Variants in SUPT3H observed in about 807,000 individuals in gnomAD.
SUPT3H encodes SPT3 homolog, SAGA and STAGA complex component, also known as transcription initiation protein SPT3 homolog.
SUPT3H carries 44 observed loss-of-function variants against 44.3 expected under a neutral mutation model. The ratio of observed to expected loss-of-function variants is 0.99; its 90% CI spans 0.78 to 1.28. SUPT3H has a LOEUF of 1.28. Among genes scored for constraint, SUPT3H ranks in the 50% most tolerant of loss-of-function variants. The pLI is 0.00. For missense variants in SUPT3H, 380 were observed against 387.1 expected (o/e 0.98, Z 0.15); for synonymous variants, 124 against 125.6 (o/e 0.99, Z 0.09).
At chr6:45,126,382 T>G (rs1802430470) in intron 2 of SUPT3H, among the ~76,000 whole-genome samples, 1 of 152,202 alleles carries the variant, frequency 6.6e-6, no homozygotes, top group Admixed American at 6.5e-5. Flanking sequence ...TTCTTTGGAC[T>G]CCTTTAGAAC....
At chr6:44,910,682 AT>A (rs1766870804) in intron 10 of SUPT3H, among the ~76,000 whole-genome samples, 1 of 108,664 alleles carries the variant, frequency 9.2e-6, no homozygotes, top group African/African-American at 3.2e-5. Context: ...TAGAAAATGT[AT>A]TTTCTTTCAA....
chr6:45,129,304 A>G (rs930353989), intron 2 of SUPT3H, among the ~76,000 whole-genome samples: 1 of 152,224 alleles, frequency 6.6e-6, no homozygotes, highest in Admixed American at 6.5e-5. Context: ...TGTATGTTCT[A>G]CACAGGATCT....
At chr6:44,958,849 G>T (rs1023263464) in intron 7 of SUPT3H, among the ~76,000 whole-genome samples, 6 of 144,542 alleles carry the variant, frequency 4.2e-5, no homozygotes, top group African/African-American at 1.5e-4. Context: ...GGCCAAGAAG[G>T]AAAGTTTAAG....
intron 3 of SUPT3H, among the ~76,000 whole-genome samples, chr6:45,038,518 T>C (rs1179790041): frequency 6.6e-6 from 1 of 152,150 alleles, no homozygotes; most frequent in Non-Finnish European, 1.5e-5. Flanking sequence ...TTCCACTTCA[T>C]CGTACCTAGA....
chr6:45,070,951 TGTAA>T (rs1794298398), intron 3 of SUPT3H, among the ~76,000 whole-genome samples: 1 of 152,118 alleles, frequency 6.6e-6, no homozygotes, highest in African/African-American at 2.4e-5. Flanking sequence ...CCCTATTCTT[TGTAA>T]GTCTTTTCTT....
chr6:45,254,241 G>A (rs1360499117), intron 2 of SUPT3H, among the ~76,000 whole-genome samples: 3 of 152,044 alleles, frequency 2.0e-5, no homozygotes, highest in East Asian at 1.9e-4. Context: ...GGGAGACTTC[G>A]ACCATGAAAC....
chr6:45,020,686 TAC>T, intron 3 of SUPT3H, 54 bp from the exon 4 acceptor site: 1 of 1,294,954 alleles, frequency 7.7e-7, no homozygotes, highest in Non-Finnish European at 1.1e-6. Flanking sequence ...TTATATATAG[TAC>T]AGTCATGATG....
At chr6:45,084,497 C>T (rs892042654) in intron 3 of SUPT3H, among the ~76,000 whole-genome samples, 14 of 152,154 alleles carry the variant, frequency 9.2e-5, no homozygotes, top group African/African-American at 3.1e-4. Flanking sequence ...GAAAAAGAAA[C>T]TTTCATACAC....
chr6:45,211,019 C>A (rs545296446), intron 2 of SUPT3H, among the ~76,000 whole-genome samples: 2 of 152,280 alleles, frequency 1.3e-5, no homozygotes, highest in East Asian at 3.9e-4. Context: ...CAGTGACTTT[C>A]ACTTTAACTG....
intron 2 of SUPT3H, among the ~76,000 whole-genome samples, chr6:45,139,223 T>C: frequency 6.6e-6 from 1 of 152,216 alleles, no homozygotes; most frequent in East Asian, 1.9e-4. Flanking sequence ...AAAAATATAA[T>C]TGGCAATAAA....
intron 2 of SUPT3H, among the ~76,000 whole-genome samples, chr6:45,128,073 C>T (rs995799427): frequency 1.3e-5 from 2 of 152,106 alleles, no homozygotes; most frequent in African/African-American, 4.8e-5. Context: ...CTGACGCTTA[C>T]TTTGTCTGAT....
At chr6:45,229,251 C>T (rs1007211137) in intron 2 of SUPT3H, among the ~76,000 whole-genome samples, 9 of 151,726 alleles carry the variant, frequency 5.9e-5, no homozygotes, top group African/African-American at 2.2e-4. Flanking sequence ...ACCAAAATAG[C>T]CATTATTTAA....
intron 1 of SUPT3H, among the ~76,000 whole-genome samples, chr6:45,374,244 C>T: frequency 6.6e-6 from 1 of 152,180 alleles, no homozygotes; most frequent in Middle Eastern, 3.2e-3. Context: ...TGTTCACCAA[C>T]CCACATAACA....
chr6:45,139,340 A>T (rs988300241), intron 2 of SUPT3H, among the ~76,000 whole-genome samples: 1 of 152,218 alleles, frequency 6.6e-6, no homozygotes, highest in African/African-American at 2.4e-5. Context: ...CATTCTGTTT[A>T]AAAAATATAT....
At chr6:45,147,111 G>A (rs925004530) in intron 2 of SUPT3H, among the ~76,000 whole-genome samples, 3 of 152,048 alleles carry the variant, frequency 2.0e-5, no homozygotes, top group African/African-American at 7.2e-5. Context: ...AGAAACTGAG[G>A]CACTGAGAGG....
intron 3 of SUPT3H, among the ~76,000 whole-genome samples, chr6:45,101,339 C>T (rs1293131536): frequency 1.3e-5 from 2 of 152,204 alleles, no homozygotes; most frequent in Non-Finnish European, 2.9e-5. Context: ...GCAGCAGAAT[C>T]GCTTGAACCC....
chr6:44,816,499 AG>A (rs1766921915), intron 11 of SUPT3H, among the ~76,000 whole-genome samples: 1 of 152,172 alleles, frequency 6.6e-6, no homozygotes, highest in South Asian at 2.1e-4. Flanking sequence ...CATAGCTAAA[AG>A]CTTTCCCACA....
At chr6:44,836,839 T>C (rs947601464) in intron 10 of SUPT3H, among the ~76,000 whole-genome samples, 1 of 152,218 alleles carries the variant, frequency 6.6e-6, no homozygotes, top group Non-Finnish European at 1.5e-5. Flanking sequence ...AGACTATGTA[T>C]AAATTCTTTC....
chr6:45,158,294 A>ATTTTTTTTT (rs1554266490), intron 2 of SUPT3H, among the ~76,000 whole-genome samples: 2 of 30,520 alleles, frequency 6.6e-5, no homozygotes, highest in Non-Finnish European at 1.2e-4. Context: ...ATATATATAT[A>ATTTTTTTTT]TATATTTTTT....
Sources: allele counts gnomAD v4.1 joint callset (sites outside exome capture counted in the v4.1 genomes callset), GRCh38; gene constraint gnomAD v4.1.1; transcripts MANE v1.5; gene names NCBI Gene and HGNC (gene_info 2026-07-23, HGNC 2026-07-21).